IGBP1: variants seen among roughly 807,000 people sequenced by gnomAD.
IGBP1 encodes immunoglobulin-binding protein 1.
A neutral mutation model predicts 25.9 loss-of-function variants in IGBP1; 2 were observed. The observed-to-expected ratio is 0.08, with a 90% CI of 0.03 to 0.24. The LOEUF (loss-of-function observed/expected upper bound fraction) is 0.24. IGBP1 is among the 10% of genes least tolerant of loss of function. The probability of loss-of-function intolerance (pLI) is 1.00; values close to 1 mark genes in which losing one functional copy is unlikely to be tolerated. For synonymous variants in IGBP1, 96 were observed against 93.4 expected, an observed-to-expected ratio of 1.03 and a Z score of -0.16; for missense variants, 187 against 260.4, an observed-to-expected ratio of 0.72 and a Z score of 1.94.
At chrX:70,152,036 T>A (rs1227144610) in intron 6 of IGBP1, among the ~76,000 whole-genome samples, 1 of 111,672 alleles carries the variant, frequency 9.0e-6, no homozygotes, top group Non-Finnish European at 1.9e-5. Context: ...GCTTTTCACC[T>A]GTGGGCAGAC....
intron 3 of IGBP1, among the ~76,000 whole-genome samples, chrX:70,137,374 A>C (rs1433957799): frequency 9.0e-6 from 1 of 111,288 alleles, no homozygotes; most frequent in Non-Finnish European, 1.9e-5. Flanking sequence ...CCTAGGAGAT[A>C]AGTAGAGGTG....
intron 6 of IGBP1, among the ~76,000 whole-genome samples, chrX:70,151,119 C>T (rs2085200101): frequency 2.7e-5 from 3 of 111,088 alleles, no homozygotes; most frequent in South Asian, 7.6e-4. Flanking sequence ...TGCCACCACG[C>T]CTGGCTAATT....
chrX:70,159,761 G>C (rs749684125), intron 6 of IGBP1, among the ~76,000 whole-genome samples: 47 of 111,392 alleles, frequency 4.2e-4, no homozygotes, highest in African/African-American at 1.4e-3. Context: ...GCAGGGCACA[G>C]TGGCAATTCA....
chrX:70,159,986 G>T (rs1290112242), intron 6 of IGBP1, among the ~76,000 whole-genome samples: 2 of 111,542 alleles, frequency 1.8e-5, no homozygotes, highest in Non-Finnish European at 3.8e-5. Context: ...ATCCAGGGAG[G>T]TGGGGGTGCT....
chrX:70,138,750 A>G (rs2085112572), intron 3 of IGBP1, among the ~76,000 whole-genome samples: 1 of 111,479 alleles, frequency 9.0e-6, no homozygotes, highest in African/African-American at 3.3e-5. Context: ...TTTTGAAACC[A>G]TGATATTGAA....
intron 6 of IGBP1, among the ~76,000 whole-genome samples, chrX:70,155,378 C>A (rs1166075615): frequency 1.8e-5 from 2 of 108,709 alleles, no homozygotes; most frequent in African/African-American, 6.7e-5. Flanking sequence ...GCCTGTAATC[C>A]CAGCTACTCA....
chrX:70,148,460 A>G, intron 4 of IGBP1: 1 of 288,817 alleles, frequency 3.5e-6, no homozygotes, highest in Non-Finnish European at 6.2e-6. Context: ...AACATGGAAG[A>G]GGGCTTTGGA....
chrX:70,150,983 G>A (rs889764517), intron 6 of IGBP1, among the ~76,000 whole-genome samples: 3 of 106,465 alleles, frequency 2.8e-5, no homozygotes, highest in Non-Finnish European at 5.8e-5. Context: ...TTTTTGAGAC[G>A]AAGTCTCGCT....
In IGBP1 at chrX:70,156,295, A is replaced by T. The variant is rs764547836; in HGVS notation, c.871+5973A>T. ...ACAAACCTTCAATTTGTTAAAAAAA[A>T]AAAAAAAAAAAAAAGTCTCTGCAAA... On this transcript the variant is annotated intron_variant, in intron 6 of 6. Transcript: ENST00000356413. 1.5e-4 allele frequency among the ~76,000 whole-genome samples: 16 copies of T among 108,802 alleles called. 1 individual carries two copies. The South Asian group carries it at 1.6e-3, about 11-fold the overall frequency. 94.5% of individuals were successfully genotyped at this position (108,802 alleles called of 115,157 possible).
At chrX:70,148,900 T>C in intron 5 of IGBP1, 60 bp downstream of exon 5, 1 of 809,015 alleles carries the variant, frequency 1.2e-6, no homozygotes, top group Non-Finnish European at 1.9e-6. Context: ...AATGTGGCAA[T>C]TCATTAGTGA....
chrX:70,160,122 C>T (rs2085263402), intron 6 of IGBP1, among the ~76,000 whole-genome samples: 1 of 111,176 alleles, frequency 9.0e-6, no homozygotes. Context: ...TGGGCCAAAG[C>T]TCCAGTTCCC....
At position 70,165,826 on chromosome X, in the gene IGBP1, A is replaced by T. The variant is rs370975783; in HGVS notation, c.872-7A>T. On this transcript the variant is annotated splice_polypyrimidine_tract_variant and splice_region_variant and intron_variant, in intron 6 of 6. Transcript: ENST00000356413. Reference sequence around the variant, plus strand: ...TCTCACCTCCCTTTCTAATTTTTCCACTTTAGAGGAATTCAGAAAAGCAGC... The same window carrying T: ...TCTCACCTCCCTTTCTAATTTTTCCTCTTTAGAGGAATTCAGAAAAGCAGC... 1.7e-6 allele frequency: 2 copies of T among 1,199,480 alleles called. No homozygotes were observed. The highest frequency in any genetic ancestry group is 3.5e-5 in the African/African-American group (2 of 56,447).
chrX:70,164,888 T>G (rs913317412), intron 6 of IGBP1: 15 of 111,699 alleles, frequency 1.3e-4, no homozygotes, highest in Non-Finnish European at 2.4e-4. Flanking sequence ...GGGGAAGACC[T>G]TGTCTCCACA....
intron 3 of IGBP1, among the ~76,000 whole-genome samples, chrX:70,140,930 C>T (rs1302527159): frequency 9.0e-6 from 1 of 111,438 alleles, no homozygotes; most frequent in African/African-American, 3.3e-5. Context: ...ATTTAGGAGG[C>T]CTGTGCTTTC....
At chrX:70,154,212 G>A (rs1207476927) in intron 6 of IGBP1, among the ~76,000 whole-genome samples, 2 of 108,540 alleles carry the variant, frequency 1.8e-5, no homozygotes, top group Admixed American at 9.9e-5. Context: ...GACTACAGGC[G>A]CCCGCCATCA....
At chrX:70,161,035 A>G (rs1254545232) in intron 6 of IGBP1, among the ~76,000 whole-genome samples, 1 of 111,243 alleles carries the variant, frequency 9.0e-6, no homozygotes, top group Non-Finnish European at 1.9e-5. Context: ...TTAAAACTAA[A>G]CACACACACA....
intron 6 of IGBP1, among the ~76,000 whole-genome samples, chrX:70,159,472 G>A: frequency 8.9e-6 from 1 of 111,816 alleles, no homozygotes; most frequent in East Asian, 2.8e-4. Context: ...GCAGTGCTGT[G>A]TTCCAAGGCA....
intron 6 of IGBP1, among the ~76,000 whole-genome samples, chrX:70,150,862 A>G (rs1239163761): frequency 8.9e-6 from 1 of 111,822 alleles, no homozygotes; most frequent in East Asian, 2.8e-4. Context: ...TGTCTTTGGA[A>G]GGGGAAGATG....
At position 70,149,114 on chromosome X, in the gene IGBP1, G is replaced by C. The variant is rs982512492; in HGVS notation, c.758+274G>C. The C allele has an allele frequency of 4.9e-5, 15 of 307,630 alleles. No homozygotes were observed. In the East Asian group the frequency reaches 8.2e-4, roughly 17 times the overall value. The allele number at this position is 307,630 out of a possible 1,213,427, so 25.4% of individuals were successfully genotyped here. ...ATGATGGCACATGCCTGTAATCCCG[G>C]CTACTGGGGAGGCTGAGGCAGGAGA... On this transcript the variant is annotated intron_variant, in intron 5 of 6. Coordinates refer to ENST00000356413, the MANE Select transcript of IGBP1 (RefSeq NM_001551.3).
Sources: allele counts gnomAD v4.1 joint callset (sites outside exome capture counted in the v4.1 genomes callset), GRCh38; gene constraint gnomAD v4.1.1; transcripts MANE v1.5; gene names NCBI Gene and HGNC (gene_info 2026-07-23, HGNC 2026-07-21).